TRIM32: variants seen among roughly 807,000 people sequenced by gnomAD.
TRIM32 encodes E3 ubiquitin-protein ligase TRIM32.
TRIM32 carries 19 observed loss-of-function variants against 36.0 expected under a neutral mutation model. The ratio of observed to expected loss-of-function variants is 0.53; its 90% CI spans 0.37 to 0.77. The LOEUF is 0.77. Among genes scored for constraint, TRIM32 ranks in the 30% least tolerant of loss-of-function variants. The pLI, the probability that TRIM32 is intolerant of heterozygous loss-of-function variation, is 0.00. For synonymous variants in TRIM32, 309 were observed against 318.5 expected (o/e 0.97, Z 0.32); for missense variants, 747 against 845.2 (o/e 0.88, Z 1.44).
chr9:116,691,870 A>G (rs1860585055), intron 1 of TRIM32, among the ~76,000 whole-genome samples: 1 of 152,224 alleles, frequency 6.6e-6, no homozygotes, highest in Non-Finnish European at 1.5e-5. Flanking sequence ...AGCTGACATA[A>G]AAGGAAATGA....
At chr9:116,693,224 C>T (rs184509791) in intron 1 of TRIM32, among the ~76,000 whole-genome samples, 1 of 152,264 alleles carries the variant, frequency 6.6e-6, no homozygotes, top group East Asian at 1.9e-4. Flanking sequence ...ATAGTCATTA[C>T]AGTACTCTTT....
rs1281556167 is a variant in TRIM32 at position 116,698,246 on chromosome 9, A to G, written c.504A>G (p.Ala168=). The change falls in exon 2 of 2, where the codon GCA becomes GCG. Residue 168 remains alanine (A), a synonymous_variant. Coordinates refer to ENST00000450136, the MANE Select transcript of TRIM32 (RefSeq NM_012210.4). The surrounding 1 kb of genome is among the most constrained non-coding windows in gnomAD (Gnocchi z 4.4). Reference sequence around the variant, plus strand: ...TGGGGGAGCTGCAGCGGCGGAAGGCAGCCTTGGAAGGTGTCTCCAAGGACC... The same window carrying G: ...TGGGGGAGCTGCAGCGGCGGAAGGCGGCCTTGGAAGGTGTCTCCAAGGACC... ...ELMGELQRRK[A]ALEGVSKDLQ... is the part of the protein sequence containing the mutation. 1 of 1,614,144 alleles carries G rather than the reference A, an allele frequency of 6.2e-7. No homozygotes were observed. The highest frequency in any genetic ancestry group is 8.5e-7 in the Non-Finnish European group (1 of 1,180,030).
rs575734376 is a variant in TRIM32 at position 116,688,392 on chromosome 9, C to T, written c.-82+1011C>T. ...TGCTAAAGAGATTTTCCTTAAATCG[C>T]TGCATGGGAGACAGAGGGAGTTCAG... On this transcript the variant is annotated intron_variant, in intron 1 of 1. Coordinates refer to ENST00000450136, the MANE Select transcript of TRIM32 (RefSeq NM_012210.4). Among the ~76,000 whole-genome samples the T allele has an allele frequency of 2.6e-5, 4 of 152,074 alleles. No individual in the cohort carries two copies. The South Asian group carries it at 8.3e-4, about 32-fold the overall frequency.
Position 116,698,917 on chromosome 9 carries a change from A to G in TRIM32, c.1175A>G (p.Asn392Ser). The G allele has an allele frequency of 6.2e-7, 1 of 1,614,214 alleles. No individual in the cohort carries two copies. The highest frequency in any genetic ancestry group is 8.5e-7 in the Non-Finnish European group (1 of 1,180,034). Residue 392 changes from asparagine (N) to serine (S), a missense_variant, in exon 2 of 2, where the codon AAC (asparagine) becomes AGC (serine). Asn to Ser is a conservative substitution (Grantham distance 46, BLOSUM62 1). Coordinates refer to ENST00000450136, the MANE Select transcript of TRIM32 (RefSeq NM_012210.4). The surrounding 1 kb of genome is among the most constrained non-coding windows in gnomAD (Gnocchi z 4.4). ...GAAGTACTAGTCGCTGACCGTGGTA[A>G]CTATCGTATACAAGTCTTTACCCGC... ...QGEVLVADRG[N>S]YRIQVFTRKG...
chr9:116,687,380 A>C lies in TRIM32; in HGVS notation c.-83A>C. ...GGACTCGTCGGAGCCGCGGGCGGTC[A>C]GGTAGGGGGCGGGAAGGAGGGTTGG... On this transcript the variant is annotated splice_region_variant and 5_prime_UTR_variant, in exon 1 of 2. Coordinates refer to ENST00000450136, the MANE Select transcript of TRIM32 (RefSeq NM_012210.4). 2 of 174,640 alleles carry C rather than the reference A, an allele frequency of 1.1e-5. No individual in the cohort carries two copies. Among genetic ancestry groups the C allele is most frequent in the Non-Finnish European group, 1.9e-5 (2 of 102,984 alleles). 10.8% of individuals were successfully genotyped at this position (174,640 alleles called of 1,614,324 possible). A position where few individuals can be genotyped will look rare whatever the true frequency, so the allele number is the denominator to read the frequency against.
Position 116,698,224 on chromosome 9 carries a change from G to A in TRIM32, c.482G>A (p.Gly161Glu). 1 of 1,614,144 alleles carries A rather than the reference G, an allele frequency of 6.2e-7. No homozygotes were observed. Among genetic ancestry groups the A allele is most frequent in the Non-Finnish European group, 8.5e-7 (1 of 1,180,032 alleles). The change falls in exon 2 of 2, where the codon GGG (glycine) becomes GAG (glutamate). Residue 161 changes from glycine to glutamate, a missense_variant. Coordinates refer to ENST00000450136, the MANE Select transcript of TRIM32 (RefSeq NM_012210.4). This position sits in a 1 kb window ranked among gnomAD's most constrained non-coding sequence, Gnocchi z 4.4. Reference sequence around the variant, plus strand: ...TTAACTCGTCTGCGGGAACTTATGGGGGAGCTGCAGCGGCGGAAGGCAGCC... The same window carrying A: ...TTAACTCGTCTGCGGGAACTTATGGAGGAGCTGCAGCGGCGGAAGGCAGCC... ...EKLTRLRELM[G>E]ELQRRKAALE...
chr9:116,697,328 T>A (rs1860913650), intron 1 of TRIM32: 2 of 227,992 alleles, frequency 8.8e-6, no homozygotes, highest in East Asian at 1.9e-4. Flanking sequence ...TTAGCCCTTA[T>A]AATAACCATA....
In TRIM32 at chr9:116,699,882, TTCCCAC is replaced by T; in HGVS notation, c.*179_*184del. The T allele has an allele frequency of 1.2e-6, 1 of 815,838 alleles. No homozygotes were observed. The highest frequency in any genetic ancestry group is 1.9e-6 in the Non-Finnish European group (1 of 516,212). 50.5% of individuals were successfully genotyped at this position (815,838 alleles called of 1,614,324 possible). A position where few individuals can be genotyped will look rare whatever the true frequency, so the allele number is the denominator to read the frequency against. ...TTATTTGTTATGTCCCCCTCCCCGC[TTCCCAC>T]CTAAATTTAGAGCTTTAAAAGATGC... is the stretch of plus-strand genomic sequence containing the variant. On this transcript the variant is annotated 3_prime_UTR_variant, in exon 2 of 2. Coordinates refer to ENST00000450136, the MANE Select transcript of TRIM32 (RefSeq NM_012210.4). The surrounding 1 kb of genome is among the most constrained non-coding windows in gnomAD (Gnocchi z 4.2).
At position 116,694,459 on chromosome 9, in the gene TRIM32, CTTTTTTT is replaced by C. The variant is rs56666915; in HGVS notation, c.-81-3189_-81-3183del. Among the ~76,000 whole-genome samples the C allele has an allele frequency of 6.9e-4, 61 of 88,044 alleles. 1 individual carries two copies. Among genetic ancestry groups the C allele is most frequent in the East Asian group, 6.1e-3 (16 of 2,622 alleles). 57.8% of individuals were successfully genotyped at this position (88,044 alleles called of 152,430 possible). A position where few individuals can be genotyped will look rare whatever the true frequency, so the allele number is the denominator to read the frequency against. ...GCATGGATCCTGAGTTGTAATTTCT[CTTTTTTT>C]TTTTTTTTTTTTTGAGATGGAGTCT... On this transcript the variant is annotated intron_variant, in intron 1 of 1. Coordinates refer to ENST00000450136, the MANE Select transcript of TRIM32 (RefSeq NM_012210.4).
rs1861136117 is a variant in TRIM32 at position 116,700,863 on chromosome 9, A to C, written c.*1159A>C. The C allele has an allele frequency of 6.0e-6, 1 of 166,890 alleles. No homozygotes were observed. The highest frequency in any genetic ancestry group is 6.5e-5 in the Admixed American group (1 of 15,286). 10.3% of individuals were successfully genotyped at this position (166,890 alleles called of 1,614,324 possible). ...CTCACTGTGTTCTTTCAGAGTGTAGATATCTACCCAGGTCAAAATTCAGCC... is the reference window on the plus strand; with the variant it reads ...CTCACTGTGTTCTTTCAGAGTGTAGCTATCTACCCAGGTCAAAATTCAGCC... On this transcript the variant is annotated 3_prime_UTR_variant, in exon 2 of 2. Transcript: ENST00000450136.
chr9:116,700,062 G>T lies in TRIM32; in HGVS notation c.*358G>T. On this transcript the variant is annotated 3_prime_UTR_variant, in exon 2 of 2. Transcript: ENST00000450136. Reference sequence around the variant, plus strand: ...TAAATCCTTGATTTTTTCCCATTTGGCTTTGATGCCCTTGATCCATTGTTT... The same window carrying T: ...TAAATCCTTGATTTTTTCCCATTTGTCTTTGATGCCCTTGATCCATTGTTT... The T allele has an allele frequency of 3.1e-6, 1 of 327,528 alleles. No homozygotes were observed. Among genetic ancestry groups the T allele is most frequent in the Non-Finnish European group, 6.0e-6 (1 of 166,778 alleles). 20.3% of individuals were successfully genotyped at this position (327,528 alleles called of 1,614,324 possible). A position where few individuals can be genotyped will look rare whatever the true frequency, so the allele number is the denominator to read the frequency against.
At position 116,699,201 on chromosome 9, in the gene TRIM32, G is replaced by T; in HGVS notation, c.1459G>T (p.Asp487Tyr). 6.2e-7 allele frequency: 1 copy of T among 1,614,230 alleles called. No individual in the cohort carries two copies. Among genetic ancestry groups the T allele is most frequent in the South Asian group, 1.1e-5 (1 of 91,088 alleles). ...ALPSGQFVVTDVEGGKLWCFT... is the reference protein window; with the variant it reads ...ALPSGQFVVTYVEGGKLWCFT... ...GCCATCTGGCCAGTTTGTAGTAACC[G>T]ATGTGGAAGGTGGAAAGCTTTGGTG... The change falls in exon 2 of 2, where the codon GAT becomes TAT. Residue 487 changes from aspartate to tyrosine, a missense_variant. By Grantham distance (160) the Asp-to-Tyr change is radical. Transcript: ENST00000450136. The surrounding 1 kb of genome is among the most constrained non-coding windows in gnomAD (Gnocchi z 4.2).
At chr9:116,690,292 A>G (rs1183959010) in intron 1 of TRIM32, among the ~76,000 whole-genome samples, 1 of 152,190 alleles carries the variant, frequency 6.6e-6, no homozygotes, top group Admixed American at 6.5e-5. Flanking sequence ...TCTAGGTTTT[A>G]TTCCTTGTTT....
At chr9:116,697,598 T>C in intron 1 of TRIM32, 64 bp from the exon 2 acceptor site, 2 of 1,057,370 alleles carry the variant, frequency 1.9e-6, no homozygotes, top group Non-Finnish European at 2.8e-6. Context: ...TCTCTAAATG[T>C]TTCTTGAGTG....
At chr9:116,691,613 GCA>G (rs1421115355) in intron 1 of TRIM32, among the ~76,000 whole-genome samples, 16 of 152,288 alleles carry the variant, frequency 1.1e-4, no homozygotes, top group Non-Finnish European at 1.8e-4. Flanking sequence ...AACTTCAGGA[GCA>G]TGCCTGTGTT....
intron 1 of TRIM32, among the ~76,000 whole-genome samples, chr9:116,692,573 G>A (rs1214359776): frequency 6.6e-6 from 1 of 152,070 alleles, no homozygotes; most frequent in South Asian, 2.1e-4. Flanking sequence ...TTAATAACTT[G>A]CTCACGTCTC....
intron 1 of TRIM32, among the ~76,000 whole-genome samples, chr9:116,693,227 T>A (rs1375679649): frequency 1.3e-5 from 2 of 152,214 alleles, no homozygotes; most frequent in Non-Finnish European, 2.9e-5. Context: ...GTCATTACAG[T>A]ACTCTTTTTA....
At chr9:116,694,817 A>G (rs1860761760) in intron 1 of TRIM32, among the ~76,000 whole-genome samples, 1 of 151,958 alleles carries the variant, frequency 6.6e-6, no homozygotes. Flanking sequence ...GCCCCTAGAC[A>G]CTTGGCATTT....
In TRIM32 at chr9:116,699,505, A is replaced by T. The variant is rs746890090; in HGVS notation, c.1763A>T (p.Asp588Val). 1.5e-5 allele frequency: 25 copies of T among 1,613,426 alleles called. No homozygotes were observed. The highest frequency in any genetic ancestry group is 2.1e-5 in the Non-Finnish European group (25 of 1,179,818). The change falls in exon 2 of 2, where the codon GAT (aspartate) becomes GTT (valine). Residue 588 changes from aspartate to valine, a missense_variant. Transcript: ENST00000450136. The surrounding 1 kb of genome is among the most constrained non-coding windows in gnomAD (Gnocchi z 4.2). ...IAGMCVDARG[D>V]LIVADSSRKE... ...GGCATGTGTGTGGATGCTCGTGGTG[A>T]TCTCATCGTGGCTGACAGTAGTCGC...
Sources: gnomAD v4.1 joint callset for allele counts (sites outside exome capture counted in the v4.1 genomes callset) on GRCh38, gnomAD v4.1.1 for gene constraint, Gnocchi (gnomAD v3.1) non-coding constraint, MANE v1.5 for transcripts, NCBI Gene and HGNC (gene_info 2026-07-23, HGNC 2026-07-21) for gene names.